Variants in VAC14 observed in about 807,000 individuals in gnomAD.
VAC14 encodes protein VAC14 homolog.
VAC14 carries 47 observed loss-of-function variants against 85.3 expected under a neutral mutation model. That is an observed-to-expected ratio of 0.55 (90% CI 0.44 to 0.70). VAC14 has a LOEUF of 0.70. Ranked by LOEUF, VAC14 falls within the 30% of genes least tolerant of loss-of-function variation. The pLI, the probability that VAC14 is intolerant of heterozygous loss-of-function variation, is 0.00. For missense variants in VAC14, 861 were observed against 1,004.3 expected (o/e 0.86, Z 1.93); for synonymous variants, 447 against 430.5 (o/e 1.04, Z -0.47).
chr16:70,729,789 G>C (rs1328548752), intron 14 of VAC14, among the ~76,000 whole-genome samples: 1 of 151,992 alleles, frequency 6.6e-6, no homozygotes, highest in African/African-American at 2.4e-5. Context: ...CATCTAGAAT[G>C]GTCCCTTGCA....
chr16:70,710,986 C>T (rs1413533705), intron 14 of VAC14, among the ~76,000 whole-genome samples: 2 of 152,260 alleles, frequency 1.3e-5, no homozygotes, highest in African/African-American at 2.4e-5. Context: ...GGGGGCACCT[C>T]GAGTGCTCTG....
At chr16:70,733,017 CT>C (rs1157749850) in intron 13 of VAC14, among the ~76,000 whole-genome samples, 1 of 152,142 alleles carries the variant, frequency 6.6e-6, no homozygotes, top group Non-Finnish European at 1.5e-5. Context: ...AAGGTTAATC[CT>C]TTTAAAGTGT....
chr16:70,750,873 G>A (rs970996416), intron 12 of VAC14, among the ~76,000 whole-genome samples: 1 of 152,122 alleles, frequency 6.6e-6, no homozygotes, highest in African/African-American at 2.4e-5. Context: ...TGCCGCGGCA[G>A]CTCCTTTACC....
At chr16:70,752,963 T>C (rs1418208470) in intron 12 of VAC14, among the ~76,000 whole-genome samples, 1 of 150,690 alleles carries the variant, frequency 6.6e-6, no homozygotes, top group African/African-American at 2.5e-5. Context: ...CGGGGGGACA[T>C]AAAGACACAG....
intron 12 of VAC14, among the ~76,000 whole-genome samples, chr16:70,748,919 A>G (rs1314109150): frequency 6.6e-6 from 1 of 152,246 alleles, no homozygotes; most frequent in Non-Finnish European, 1.5e-5. Context: ...TCTGGGCAAT[A>G]GAGTGAGACT....
At chr16:70,779,207 G>A (rs925033009) in intron 9 of VAC14, 3 of 152,238 alleles carry the variant, frequency 2.0e-5, no homozygotes, top group African/African-American at 7.2e-5. Flanking sequence ...GGTCCAGCAT[G>A]GACAGCTGCT....
At chr16:70,764,485 T>A (rs534159056) in intron 10 of VAC14, among the ~76,000 whole-genome samples, 1 of 152,300 alleles carries the variant, frequency 6.6e-6, no homozygotes, top group African/African-American at 2.4e-5. Context: ...CGGTAAACAC[T>A]GGCCCCGTCA....
intron 1 of VAC14, among the ~76,000 whole-genome samples, chr16:70,799,852 T>C (rs1434491061): frequency 6.6e-6 from 1 of 152,250 alleles, no homozygotes; most frequent in Non-Finnish European, 1.5e-5. Context: ...TAGCAGCCAA[T>C]AGCTACATGT....
At chr16:70,693,010 T>G in intron 17 of VAC14, 39 bp from the exon 18 acceptor site, 1 of 1,592,650 alleles carries the variant, frequency 6.3e-7, no homozygotes, top group Non-Finnish European at 8.6e-7. Context: ...GACCTGGCAC[T>G]GCTCTGGGAC....
chr16:70,750,938 C>G (rs1389768858), intron 12 of VAC14, among the ~76,000 whole-genome samples: 1 of 152,174 alleles, frequency 6.6e-6, no homozygotes, highest in Non-Finnish European at 1.5e-5. Flanking sequence ...AGTGTCGAGG[C>G]TGGGAGGCTC....
intron 12 of VAC14, among the ~76,000 whole-genome samples, chr16:70,759,881 G>A (rs576223228): frequency 6.6e-6 from 1 of 152,302 alleles, no homozygotes; most frequent in African/African-American, 2.4e-5. Context: ...GTGCCAAACA[G>A]ATCTGGCTCT....
chr16:70,799,093 G>A (rs924470469), intron 1 of VAC14, among the ~76,000 whole-genome samples: 5 of 152,206 alleles, frequency 3.3e-5, no homozygotes, highest in African/African-American at 7.2e-5. Flanking sequence ...CAACAATAAT[G>A]TTGAGATGAA....
At position 70,790,951 on chromosome 16, in the gene VAC14, C is replaced by G. The variant is rs118025859; in HGVS notation, c.105-4586G>C. Among the ~76,000 whole-genome samples, 630 of 152,338 alleles carry G rather than the reference C, an allele frequency of 4.1e-3. 34 individuals carry two copies. The East Asian group carries it at 0.11, about 26-fold the overall frequency. On this transcript the variant is annotated intron_variant, in intron 1 of 18. Transcript: ENST00000261776. Reference sequence around the variant, plus strand: ...AACACGTCCTTACCAATATGTCAGTCTGGAGAGCACCGGGCCTGGGGTCAA... The same window carrying G: ...AACACGTCCTTACCAATATGTCAGTGTGGAGAGCACCGGGCCTGGGGTCAA...
intron 15 of VAC14, among the ~76,000 whole-genome samples, chr16:70,697,760 A>T (rs544535860): frequency 7.2e-5 from 11 of 152,324 alleles, no homozygotes; most frequent in Admixed American, 2.0e-4. Context: ...AAAATTCTTA[A>T]GGCCTCTGCG....
intron 14 of VAC14, chr16:70,716,828 G>C (rs1365795628): frequency 1.3e-5 from 2 of 152,316 alleles, no homozygotes; most frequent in Non-Finnish European, 2.9e-5. Context: ...GGAGGAATCA[G>C]CTGGAGGCCA....
Position 70,698,633 on chromosome 16 carries a change from C to T in VAC14, c.1836+4G>A. 6.2e-7 allele frequency: 1 copy of T among 1,614,084 alleles called. No individual in the cohort carries two copies. Among genetic ancestry groups the T allele is most frequent in the Non-Finnish European group, 8.5e-7 (1 of 1,179,942 alleles). On this transcript the variant is annotated splice_donor_region_variant and intron_variant, in intron 15 of 18. Transcript: ENST00000261776. ...CTGAGGATGGAGTCCCGGACGCAGC[C>T]TACCAGGGTCTTCAGGTCCTTCAGC...
intron 17 of VAC14, among the ~76,000 whole-genome samples, chr16:70,694,470 C>G (rs1164736279): frequency 6.6e-6 from 1 of 152,180 alleles, no homozygotes; most frequent in African/African-American, 2.4e-5. Context: ...CCTACGGCAC[C>G]CTGCTGCTTG....
intron 12 of VAC14, among the ~76,000 whole-genome samples, chr16:70,754,292 T>C (rs1230087145): frequency 6.6e-6 from 1 of 151,992 alleles, no homozygotes; most frequent in Non-Finnish European, 1.5e-5. Context: ...GTGGGTACAG[T>C]TCTGGGACTG....
chr16:70,771,212 T>C (rs2033193463), intron 10 of VAC14: 1 of 152,218 alleles, frequency 6.6e-6, no homozygotes, highest in South Asian at 2.1e-4. Context: ...GCAGGGAGTA[T>C]GGAGGGAGCC....
Sources: gnomAD v4.1 joint callset for allele counts (sites outside exome capture counted in the v4.1 genomes callset) on GRCh38, gnomAD v4.1.1 for gene constraint, MANE v1.5 for transcripts, NCBI Gene and HGNC (gene_info 2026-07-23, HGNC 2026-07-21) for gene names.